The following UTRN variants were observed in gnomAD, a reference collection of about 807,000 sequenced individuals.
UTRN encodes dystrophin-related protein 1.
Under a neutral mutation model 463.9 loss-of-function variants are expected in UTRN, and 283 were observed. That is an observed-to-expected ratio of 0.61 (90% CI 0.55 to 0.67). The LOEUF (loss-of-function observed/expected upper bound fraction) is 0.67, where lower values mean the gene tolerates loss of function less well. Ranked by LOEUF, UTRN falls within the 30% of genes least tolerant of loss-of-function variation. The pLI, the probability that UTRN is intolerant of heterozygous loss-of-function variation, is 0.00. For missense variants in UTRN, 3,922 were observed against 4,084.3 expected (o/e 0.96, Z 1.08); for synonymous variants, 1,442 against 1,431.5 (o/e 1.01, Z -0.17).
In UTRN at chr6:144,462,868, TA is replaced by T. The variant is rs1414246674; in HGVS notation, c.3066+5del. 6.2e-7 allele frequency: 1 copy of T among 1,600,064 alleles called. No homozygotes were observed. The highest frequency in any genetic ancestry group is 1.2e-5 in the South Asian group (1 of 86,660). ...GCTCTCACACTCAGAGCTTTTGAGG[TA>T]AATCCAGAGGCCACTGGGAGTTTAA... On this transcript the variant is annotated splice_donor_region_variant and intron_variant, in intron 23 of 74. Coordinates refer to ENST00000367545, the MANE Select transcript of UTRN (RefSeq NM_007124.3).
intron 2 of UTRN, among the ~76,000 whole-genome samples, chr6:144,293,885 A>G (rs2502643): frequency 0.13 from 18,797 of 146,138 alleles, 1,415 homozygotes; most frequent in African/African-American, 0.24. Flanking sequence ...AGTGATACAG[A>G]TGTGTGTGAT....
chr6:144,471,456 A>G (rs577153862), intron 23 of UTRN, among the ~76,000 whole-genome samples: 83 of 152,368 alleles, frequency 5.4e-4, no homozygotes, highest in Non-Finnish European at 9.3e-4. Flanking sequence ...TTAAAAGTGC[A>G]GAATGGAGAT....
intron 2 of UTRN, among the ~76,000 whole-genome samples, chr6:144,329,519 C>A (rs1439617358): frequency 6.6e-6 from 1 of 152,164 alleles, no homozygotes; most frequent in Non-Finnish European, 1.5e-5. Context: ...GCATCTCTAA[C>A]CTCTCTACTC....
At chr6:144,548,923 T>A (rs929629771) in intron 47 of UTRN, 69 bp downstream of exon 47, 3 of 1,485,356 alleles carry the variant, frequency 2.0e-6, no homozygotes, top group Admixed American at 2.2e-5. Context: ...TCTGTTTGAA[T>A]CCCTTTTGTT....
chr6:144,636,317 C>T (rs1777169180), intron 51 of UTRN, among the ~76,000 whole-genome samples: 2 of 151,676 alleles, frequency 1.3e-5, no homozygotes, highest in South Asian at 2.1e-4. Context: ...TGCATGTTCT[C>T]ACTCATAAGT....
intron 51 of UTRN, among the ~76,000 whole-genome samples, chr6:144,581,239 G>A (rs1265885934): frequency 2.6e-5 from 4 of 152,118 alleles, no homozygotes; most frequent in African/African-American, 9.7e-5. Flanking sequence ...GCCCATTATT[G>A]ACTTCCAACT....
chr6:144,522,181 T>C lies in UTRN; in HGVS notation c.5733+10T>C. On this transcript the variant is annotated intron_variant, in intron 40 of 74. Transcript: ENST00000367545. The stretch of plus-strand genomic sequence containing the variant: ...GGAAGACTCTCTGAAGGTAGACCTC[T>C]GGGCACTGTGTTTGAATGGCCACAG... The C allele has an allele frequency of 6.7e-7, 1 of 1,489,884 alleles. No homozygotes were observed. The highest frequency in any genetic ancestry group is 2.6e-5 in the East Asian group (1 of 38,266). The allele number at this position is 1,489,884 out of a possible 1,614,324, so 92.3% of individuals were successfully genotyped here. A position where few individuals can be genotyped will look rare whatever the true frequency, so the allele number is the denominator to read the frequency against.
intron 46 of UTRN, 26 bp from the exon 47 acceptor site, chr6:144,548,614 C>T (rs1798626157): frequency 6.3e-7 from 1 of 1,599,936 alleles, no homozygotes; most frequent in South Asian, 1.1e-5. Flanking sequence ...TGATTAATTT[C>T]TCTTTTGCTA....
At chr6:144,597,759 G>A (rs1803809584) in intron 51 of UTRN, among the ~76,000 whole-genome samples, 1 of 152,170 alleles carries the variant, frequency 6.6e-6, no homozygotes, top group African/African-American at 2.4e-5. Context: ...TCAATGTGAA[G>A]CCCATTCATA....
rs560569521 is a variant in UTRN, at chr6:144,353,288, G to A, written c.80-49835G>A. ...TGCTACCATGCCTGGCTAATTTTTT[G>A]TATTTTTAGTAGAGATGGGGTTTCA... On this transcript the variant is annotated intron_variant, in intron 2 of 74. Coordinates refer to ENST00000367545, the MANE Select transcript of UTRN (RefSeq NM_007124.3). 5.9e-5 allele frequency among the ~76,000 whole-genome samples: 9 copies of A among 152,126 alleles called. No individual in the cohort carries two copies. In the South Asian group the frequency reaches 1.7e-3, roughly 28 times the overall value.
intron 50 of UTRN, among the ~76,000 whole-genome samples, chr6:144,562,450 C>A (rs1384082231): frequency 6.6e-6 from 1 of 152,046 alleles, no homozygotes; most frequent in Non-Finnish European, 1.5e-5. Context: ...TGAGAACATG[C>A]GGTGTTTGGT....
At chr6:144,671,559 G>A (rs1462517888) in intron 51 of UTRN, among the ~76,000 whole-genome samples, 1 of 151,660 alleles carries the variant, frequency 6.6e-6, no homozygotes, top group East Asian at 1.9e-4. Flanking sequence ...GGGTTTTTTA[G>A]GTATACAATC....
chr6:144,793,785 A>G, intron 62 of UTRN, 49 bp from the exon 63 acceptor site: 2 of 1,580,732 alleles, frequency 1.3e-6, no homozygotes, highest in Non-Finnish European at 1.7e-6. Flanking sequence ...ATTTTAAGTA[A>G]AAGAACATGG....
intron 2 of UTRN, among the ~76,000 whole-genome samples, chr6:144,364,095 G>A (rs1400974998): frequency 6.6e-6 from 1 of 152,192 alleles, no homozygotes; most frequent in East Asian, 1.9e-4. Context: ...GAGGTTGGTA[G>A]CCTGGGAATA....
chr6:144,362,273 G>T (rs146124087), intron 2 of UTRN, among the ~76,000 whole-genome samples: 2 of 152,228 alleles, frequency 1.3e-5, no homozygotes, highest in South Asian at 2.1e-4. Context: ...TGATGTGCCC[G>T]CCCATCCGGT....
chr6:144,739,606 G>A (rs1400034363), intron 54 of UTRN, among the ~76,000 whole-genome samples: 4 of 152,148 alleles, frequency 2.6e-5, no homozygotes, highest in African/African-American at 4.8e-5. Flanking sequence ...TGAAGGGGAA[G>A]GCATTGGCCT....
At chr6:144,304,037 A>T (rs1011138152) in intron 2 of UTRN, among the ~76,000 whole-genome samples, 7 of 152,206 alleles carry the variant, frequency 4.6e-5, no homozygotes, top group Non-Finnish European at 1.0e-4. Flanking sequence ...TAAAGCTGGG[A>T]TGCTCAGAAA....
chr6:144,688,661 TAG>T lies in UTRN; in HGVS notation c.7652+10086_7652+10087del, dbSNP rs150875306. On this transcript the variant is annotated intron_variant, in intron 52 of 74. Transcript: ENST00000367545. The stretch of plus-strand genomic sequence containing the variant: ...AGACTCTGTATGAGTTCCTTGGTTA[TAG>T]AGTCTGTATGATGGCTTTCTCAGAT... Among the ~76,000 whole-genome samples the T allele has an allele frequency of 3.0e-3, 450 of 152,326 alleles. 19 individuals carry two copies. The East Asian group carries it at 0.065, about 22-fold the overall frequency.
intron 2 of UTRN, among the ~76,000 whole-genome samples, chr6:144,370,486 G>A (rs551465335): frequency 1.9e-4 from 29 of 152,352 alleles, no homozygotes; most frequent in African/African-American, 7.0e-4. Flanking sequence ...GAAATGCCTG[G>A]ATGTCCAGGC....
Sources: allele counts gnomAD v4.1 joint callset (sites outside exome capture counted in the v4.1 genomes callset), GRCh38; gene constraint gnomAD v4.1.1; transcripts MANE v1.5; gene names NCBI Gene and HGNC (gene_info 2026-07-23, HGNC 2026-07-21).